LOC400499: variants seen among roughly 807,000 people sequenced by gnomAD.
At chr16:11,407,109 G>T in the LOC400499 span, 133 of 396,920 alleles carry the variant, frequency 3.4e-4, no homozygotes, top group African/African-American at 2.4e-3. Flanking sequence ...CCCAGGAACC[G>T]GGACACTAGG....
At chr16:11,427,032 C>G in the LOC400499 span, among the ~76,000 whole-genome samples, 103 of 151,258 alleles carry the variant, frequency 6.8e-4, no homozygotes, top group African/African-American at 2.5e-3. Context: ...TGACCTGTCT[C>G]AAAGGAAGCT....
the LOC400499 span, among the ~76,000 whole-genome samples, chr16:11,492,000 G>T: frequency 6.6e-6 from 1 of 152,078 alleles, no homozygotes; most frequent in Non-Finnish European, 1.5e-5. Flanking sequence ...CTCACCTGTG[G>T]CGCAGCTGTG....
chr16:11,384,318 G>C, the LOC400499 span: 2 of 1,231,328 alleles, frequency 1.6e-6, no homozygotes. Context: ...GAAGGCCAGC[G>C]GATATGCCTG....
the LOC400499 span, among the ~76,000 whole-genome samples, chr16:11,465,855 A>C: frequency 6.6e-6 from 1 of 151,700 alleles, no homozygotes; most frequent in African/African-American, 2.4e-5. Flanking sequence ...GGAAGAGGAA[A>C]AGAGAGGGAA....
the LOC400499 span, among the ~76,000 whole-genome samples, chr16:11,421,274 C>T: frequency 1.1e-4 from 16 of 152,222 alleles, no homozygotes; most frequent in African/African-American, 3.9e-4. Context: ...CATCACCACA[C>T]AGCTGGCTCC....
the LOC400499 span, among the ~76,000 whole-genome samples, chr16:11,508,141 T>C: frequency 2.6e-5 from 4 of 152,192 alleles, no homozygotes; most frequent in African/African-American, 9.6e-5. Context: ...GACTGTGCCA[T>C]GCTAAACCAT....
the LOC400499 span, chr16:11,447,877 G>T: frequency 5.3e-6 from 8 of 1,496,556 alleles, no homozygotes; most frequent in East Asian, 2.0e-4. Context: ...GGGATGCTCC[G>T]TGCTAGAGAA....
the LOC400499 span, among the ~76,000 whole-genome samples, chr16:11,506,634 T>C: frequency 2.0e-5 from 3 of 152,098 alleles, no homozygotes; most frequent in Admixed American, 2.0e-4. Flanking sequence ...CCTCCTTTGT[T>C]CCTTAGGGAC....
chr16:11,395,790 A>G, the LOC400499 span, among the ~76,000 whole-genome samples: 1 of 152,094 alleles, frequency 6.6e-6, no homozygotes, highest in South Asian at 2.1e-4. Flanking sequence ...GTGGATGGAA[A>G]CGCCGAGAGA....
the LOC400499 span, among the ~76,000 whole-genome samples, chr16:11,463,870 C>T: frequency 7.3e-4 from 111 of 151,940 alleles, no homozygotes; most frequent in Admixed American, 3.9e-3. Flanking sequence ...TGCATATATA[C>T]GGATGCGTGC....
At chr16:11,431,028 G>T in the LOC400499 span, 3 of 398,934 alleles carry the variant, frequency 7.5e-6, no homozygotes, top group African/African-American at 4.1e-5. Context: ...CGTTCCCCAG[G>T]CCCTCACCCT....
the LOC400499 span, chr16:11,522,247 G>A: frequency 5.0e-6 from 2 of 397,518 alleles, no homozygotes; most frequent in Middle Eastern, 6.3e-4. Flanking sequence ...CCCAGCTTGG[G>A]GAAAGGTTGG....
At chr16:11,378,568 CTTT>C in the LOC400499 span, among the ~76,000 whole-genome samples, 1 of 152,170 alleles carries the variant, frequency 6.6e-6, no homozygotes, top group African/African-American at 2.4e-5. Flanking sequence ...CAGCCAGCTT[CTTT>C]TTTAATTTAA....
the LOC400499 span, chr16:11,448,900 G>C: frequency 1.4e-6 from 2 of 1,444,714 alleles, no homozygotes; most frequent in African/African-American, 2.8e-5. Context: ...TTGGCTGCAC[G>C]GGCCTCCTGG....
the LOC400499 span, among the ~76,000 whole-genome samples, chr16:11,425,845 T>C: frequency 6.6e-6 from 1 of 152,168 alleles, no homozygotes; most frequent in Non-Finnish European, 1.5e-5. Flanking sequence ...CTCGACTTGG[T>C]TTATGAAATT....
At chr16:11,448,053 C>T in the LOC400499 span, 50 of 1,535,424 alleles carry the variant, frequency 3.3e-5, no homozygotes, top group African/African-American at 4.1e-4. Flanking sequence ...CAGCCGTGAG[C>T]GACACCTGGG....
the LOC400499 span, among the ~76,000 whole-genome samples, chr16:11,489,708 G>C: frequency 6.6e-6 from 1 of 152,326 alleles, no homozygotes; most frequent in East Asian, 1.9e-4. Flanking sequence ...CCCCTCAGCT[G>C]ATCCCCTGAG....
the LOC400499 span, among the ~76,000 whole-genome samples, chr16:11,382,630 C>CTAAACAG: frequency 1.3e-5 from 1 of 75,070 alleles, no homozygotes. Context: ...AGTATTTTCC[C>CTAAACAG]TAAACAGTGG....
chr16:11,490,265 G>A, the LOC400499 span, among the ~76,000 whole-genome samples: 5 of 151,954 alleles, frequency 3.3e-5, no homozygotes, highest in Admixed American at 3.3e-4. Context: ...GCATGGTGGT[G>A]TGCAGCTGTA....
Sources: allele counts gnomAD v4.1 joint callset (sites outside exome capture counted in the v4.1 genomes callset), GRCh38; gene constraint gnomAD v4.1.1; transcripts MANE v1.5.